Variants in RAB41 observed in about 807,000 individuals in gnomAD.
RAB41 encodes RAB41, member RAS oncogene family, also known as ras-related protein Rab-41.
A neutral mutation model predicts 19.0 loss-of-function variants in RAB41; 15 were observed. The observed-to-expected ratio is 0.79, with a 90% CI of 0.53 to 1.21. The LOEUF is 1.21. Ranked by LOEUF, RAB41 falls within the 50% of genes most tolerant of loss-of-function variation. The pLI is 0.00. For missense variants in RAB41, 177 were observed against 179.7 expected, an observed-to-expected ratio of 0.99 and a Z score of 0.09; for synonymous variants, 73 against 64.7, an observed-to-expected ratio of 1.13 and a Z score of -0.62.
chrX:70,282,230 G>C lies in RAB41; in HGVS notation c.13G>C (p.Gly5Arg), dbSNP rs781741786. The change falls in exon 1 of 8, where the codon GGT becomes CGT. Residue 5 changes from glycine (G) to arginine (R), a missense_variant. By Grantham distance (125) the Gly-to-Arg change is moderately radical. Coordinates refer to ENST00000374473, the MANE Select transcript of RAB41 (RefSeq NM_001363807.1). Reference protein sequence around the residue: MSAFGHDEAWMEAGG... With the variant: MSAFRHDEAWMEAGG... ...CCTACCTGAAGCGATGTCTGCCTTT[G>C]GTCACGACGAGGCCTGGATGGAGGC... 34 of 1,210,848 alleles carry C rather than the reference G, an allele frequency of 2.8e-5. No individual in the cohort carries two copies. The highest frequency in any genetic ancestry group is 7.0e-5 in the African/African-American group (4 of 57,448).
chrX:70,283,476 T>TA, intron 4 of RAB41, 37 bp from the exon 5 acceptor site: 1 of 1,138,530 alleles, frequency 8.8e-7, no homozygotes. Context: ...AAATCTCTCC[T>TA]AAATGTTTCA....
Position 70,283,934 on chromosome X carries a change from T to C in RAB41, c.456-16T>C. 8.7e-7 allele frequency: 1 copy of C among 1,149,371 alleles called. No homozygotes were observed. The highest frequency in any genetic ancestry group is 1.8e-5 in the South Asian group (1 of 54,953). The allele number at this position is 1,149,371 out of a possible 1,213,427, so 94.7% of individuals were successfully genotyped here. A position where few individuals can be genotyped will look rare whatever the true frequency, so the allele number is the denominator to read the frequency against. On this transcript the variant is annotated splice_polypyrimidine_tract_variant and intron_variant, in intron 5 of 7. Transcript: ENST00000374473. ...CCAATAACTCTGGCCCTTTTCATCA[T>C]TTCTGATTCGTCCAGACAAGTCACT...
At chrX:70,282,746 C>A in intron 2 of RAB41, 56 bp from the exon 3 acceptor site, 1 of 1,158,379 alleles carries the variant, frequency 8.6e-7, no homozygotes, top group Non-Finnish European at 1.2e-6. Context: ...GGTTCTAAGA[C>A]TGCCTCATAT....
rs2275410 is a variant in RAB41, at chrX:70,284,914, A to C, written c.*271A>C. The C allele has an allele frequency of 8.8e-3, 3,290 of 372,970 alleles. 110 individuals carry two copies. In the East Asian group the frequency reaches 0.11, roughly 12 times the overall value. The allele number at this position is 372,970 out of a possible 1,213,427, so 30.7% of individuals were successfully genotyped here. A position where few individuals can be genotyped will look rare whatever the true frequency, so the allele number is the denominator to read the frequency against. On this transcript the variant is annotated 3_prime_UTR_variant, in exon 8 of 8. Coordinates refer to ENST00000374473, the MANE Select transcript of RAB41 (RefSeq NM_001363807.1). ...TCTGTAGAGAATACAGTTCTACAGC[A>C]GCTGACATACTTCAAAGGCCAATAC...
intron 5 of RAB41, 57 bp downstream of exon 5, chrX:70,283,681 G>C (rs2085702040): frequency 2.4e-6 from 2 of 838,680 alleles, no homozygotes; most frequent in Non-Finnish European, 3.6e-6. Context: ...CTATGGGGAG[G>C]GTCAACTGTC....
Position 70,283,364 on chromosome X carries a change from G to A in RAB41, c.334G>A (p.Asp112Asn). The change falls in exon 4 of 8, where the codon GAC becomes AAC. Residue 112 changes from aspartate (D) to asparagine (N), a missense_variant. Coordinates refer to ENST00000374473, the MANE Select transcript of RAB41 (RefSeq NM_001363807.1). ...TTCAACTATTGCAGTGGTTGTCTAT[G>A]ACATTACAAGTGGGTGTTATGCAAT... Reference protein sequence around the residue: ...RDSTIAVVVYDITNINSFKET... With the variant: ...RDSTIAVVVYNITNINSFKET... The A allele has an allele frequency of 8.4e-7, 1 of 1,194,598 alleles. No individual in the cohort carries two copies. Among genetic ancestry groups the A allele is most frequent in the Non-Finnish European group, 1.1e-6 (1 of 879,915 alleles).
chrX:70,284,812 C>CA lies in RAB41; in HGVS notation c.*170dup, dbSNP rs764355094. ...AAGTGCTATCATTTTTTCCTGACCG[C>CA]ATCTCACAGCTACTGGGTGGAAGCT... On this transcript the variant is annotated 3_prime_UTR_variant, in exon 8 of 8. Coordinates refer to ENST00000374473, the MANE Select transcript of RAB41 (RefSeq NM_001363807.1). The CA allele has an allele frequency of 7.6e-4, 349 of 460,615 alleles. No homozygotes were observed. Among genetic ancestry groups the CA allele is most frequent in the African/African-American group, 6.8e-3 (282 of 41,420 alleles). The allele number at this position is 460,615 out of a possible 1,213,427, so 38.0% of individuals were successfully genotyped here.
chrX:70,283,256 A>AT lies in RAB41; in HGVS notation c.238-7dup, dbSNP rs1325212835. On this transcript the variant is annotated splice_polypyrimidine_tract_variant and intron_variant, in intron 3 of 7. Transcript: ENST00000374473. ...CCTTTCCCCCATCTTCTTCCTAAAC[A>AT]TTTTTATGCAGGTTCAGCTGCAGCT... 2 of 1,195,908 alleles carry AT rather than the reference A, an allele frequency of 1.7e-6. No homozygotes were observed. The highest frequency in any genetic ancestry group is 3.5e-5 in the African/African-American group (2 of 56,956).
chrX:70,283,996 G>A lies in RAB41; in HGVS notation c.502G>A (p.Val168Met). ...TGAAGAAAAATCCAGAAACCTCAATGTGATGTTTATTGAGACCAGTGCCAA... is the reference window on the plus strand; with the variant it reads ...TGAAGAAAAATCCAGAAACCTCAATATGATGTTTATTGAGACCAGTGCCAA... ...QGEEKSRNLN[V>M]MFIETSAKTG... Residue 168 changes from valine (V) to methionine (M), a missense_variant, in exon 6 of 8, where the codon GTG becomes ATG. Transcript: ENST00000374473. 1.7e-6 allele frequency: 2 copies of A among 1,208,261 alleles called. No homozygotes were observed. The highest frequency in any genetic ancestry group is 2.2e-6 in the Non-Finnish European group (2 of 892,340).
chrX:70,282,513 C>T lies in RAB41; in HGVS notation c.125-20C>T. ...AAAGGGCACTGAGGGCGACGATTGG[C>T]CTGCTTATCTCCCTCACAGTAGGGA... On this transcript the variant is annotated intron_variant, in intron 1 of 7. Transcript: ENST00000374473. 1 of 1,207,634 alleles carries T rather than the reference C, an allele frequency of 8.3e-7. No homozygotes were observed. The highest frequency in any genetic ancestry group is 1.8e-5 in the South Asian group (1 of 56,825).
In RAB41 at chrX:70,283,630, G is replaced by C; in HGVS notation, c.455+6G>C. ...ATTGATTTGGATAACAAAAGGTAAAGTATAACTACAACTTCTTCTGGCATA... is the reference window on the plus strand; with the variant it reads ...ATTGATTTGGATAACAAAAGGTAAACTATAACTACAACTTCTTCTGGCATA... On this transcript the variant is annotated splice_donor_region_variant and intron_variant, in intron 5 of 7. Transcript: ENST00000374473. The C allele has an allele frequency of 8.9e-7, 1 of 1,121,027 alleles. No homozygotes were observed. The highest frequency in any genetic ancestry group is 3.0e-5 in the East Asian group (1 of 33,495). The allele number at this position is 1,121,027 out of a possible 1,213,427, so 92.4% of individuals were successfully genotyped here.
rs762167958 is a variant in RAB41, at chrX:70,282,494, C to T, written c.125-39C>T. 3.4e-6 allele frequency: 4 copies of T among 1,185,730 alleles called. No homozygotes were observed. In the Admixed American group the frequency reaches 6.6e-5, roughly 20 times the overall value. On this transcript the variant is annotated intron_variant, in intron 1 of 7. Transcript: ENST00000374473. Reference sequence around the variant, plus strand: ...ATAGAAACTTTGAGGGGAGAAAGGGCACTGAGGGCGACGATTGGCCTGCTT... The same window carrying T: ...ATAGAAACTTTGAGGGGAGAAAGGGTACTGAGGGCGACGATTGGCCTGCTT...
In RAB41 at chrX:70,284,336, T is replaced by TTTTCCC; in HGVS notation, c.613+10_613+11insCCCTTT. ...CCTCCACCAAAAGAGGGGAGTATCCTTTTTCCTAGCTTTGCTGGGGTAGGG... is the reference window on the plus strand; with the variant it reads ...CCTCCACCAAAAGAGGGGAGTATCCTTTTCCCTTTTCCTAGCTTTGCTGGGGTAGGG... On this transcript the variant is annotated splice_region_variant and intron_variant, in intron 7 of 7. Coordinates refer to ENST00000374473, the MANE Select transcript of RAB41 (RefSeq NM_001363807.1). The TTTTCCC allele has an allele frequency of 8.3e-7, 1 of 1,204,223 alleles. No homozygotes were observed. The highest frequency in any genetic ancestry group is 1.1e-6 in the Non-Finnish European group (1 of 890,179).
chrX:70,283,716 C>A (rs1413550246), intron 5 of RAB41, 92 bp downstream of exon 5: 2 of 642,245 alleles, frequency 3.1e-6, no homozygotes, highest in Non-Finnish European at 5.0e-6. Flanking sequence ...GGAGGAGTTA[C>A]CTTAGTCCCC....
chrX:70,283,759 G>A (rs997809454), intron 5 of RAB41, 135 bp downstream of exon 5: 34 of 547,862 alleles, frequency 6.2e-5, no homozygotes, highest in Non-Finnish European at 1.0e-4. Flanking sequence ...GGATGGGAAG[G>A]ACAGGGGGGC....
intron 5 of RAB41, 23 bp downstream of exon 5, chrX:70,283,647 T>C: frequency 9.4e-7 from 1 of 1,058,518 alleles, no homozygotes; most frequent in Non-Finnish European, 1.3e-6. Flanking sequence ...TACAACTTCT[T>C]CTGGCATACC....
At position 70,284,924 on chromosome X, in the gene RAB41, C is replaced by G. The variant is rs1249840721; in HGVS notation, c.*281C>G. On this transcript the variant is annotated 3_prime_UTR_variant, in exon 8 of 8. Transcript: ENST00000374473. ...ATACAGTTCTACAGCAGCTGACATA[C>G]TTCAAAGGCCAATACAATTCATTCT... The G allele has an allele frequency of 8.4e-6, 3 of 357,917 alleles. No homozygotes were observed. Among genetic ancestry groups the G allele is most frequent in the African/African-American group, 7.7e-5 (3 of 38,880 alleles). 29.5% of individuals were successfully genotyped at this position (357,917 alleles called of 1,213,427 possible).
rs773970714 is a variant in RAB41 at position 70,284,588 on chromosome X, CG to C, written c.616del (p.Val206LeufsTer27). ...TTAGCTTCCTTGACACACACTTCAGCGGTTGAAATCGAACTGGAATCCTTCG... is the reference window on the plus strand; with the variant it reads ...TTAGCTTCCTTGACACACACTTCAGCGTTGAAATCGAACTGGAATCCTTCG... ...TRTSPPPKEG[T>X]VEIELESFEE... On this transcript the variant is annotated frameshift_variant and splice_region_variant, in exon 8 of 8. Transcript: ENST00000374473. LOFTEE classifies it low-confidence loss of function (END_TRUNC). 1.0e-3 allele frequency: 1,209 copies of C among 1,206,360 alleles called. 7 individuals are homozygous for C. The African/African-American group carries it at 0.019, about 19-fold the overall frequency.
chrX:70,283,374 G>A lies in RAB41; in HGVS notation c.343+1G>A, dbSNP rs777699756. 4 of 1,180,671 alleles carry A rather than the reference G, an allele frequency of 3.4e-6. No homozygotes were observed. Among genetic ancestry groups the A allele is most frequent in the Non-Finnish European group, 4.6e-6 (4 of 867,238 alleles). Reference sequence around the variant, plus strand: ...GCAGTGGTTGTCTATGACATTACAAGTGGGTGTTATGCAATGTTTTATTTG... The same window carrying A: ...GCAGTGGTTGTCTATGACATTACAAATGGGTGTTATGCAATGTTTTATTTG... On this transcript the variant is annotated splice_donor_variant, in intron 4 of 7. Coordinates refer to ENST00000374473, the MANE Select transcript of RAB41 (RefSeq NM_001363807.1). LOFTEE classifies it high-confidence loss of function.
Sources: allele counts gnomAD v4.1 joint callset, GRCh38; gene constraint gnomAD v4.1.1; transcripts MANE v1.5; gene names NCBI Gene and HGNC (gene_info 2026-07-23, HGNC 2026-07-21).